Variants in RPS15 observed in about 807,000 individuals in gnomAD.
RPS15 encodes the protein small ribosomal subunit protein uS19.
A neutral mutation model predicts 14.9 loss-of-function variants in RPS15; 5 were observed. That is an observed-to-expected ratio of 0.34 (90% CI 0.18 to 0.70). The LOEUF is 0.70. Ranked by LOEUF, RPS15 falls within the 30% of genes least tolerant of loss-of-function variation. The pLI, the probability that RPS15 is intolerant of heterozygous loss-of-function variation, is 0.65. For missense variants in RPS15, 102 were observed against 204.2 expected (o/e 0.50, Z 3.05); for synonymous variants, 103 against 85.0 (o/e 1.21, Z -1.16).
chr19:1,439,761 G>A, intron 2 of RPS15: 1 of 611,194 alleles, frequency 1.6e-6, no homozygotes, highest in Non-Finnish European at 2.9e-6. Flanking sequence ...GTCTGAGGCT[G>A]TGGTCTCCGG....
At chr19:1,439,670 C>T in intron 2 of RPS15, 1 of 566,354 alleles carries the variant, frequency 1.8e-6, no homozygotes, top group Non-Finnish European at 3.1e-6. Context: ...GCTGGGATCA[C>T]AGGCGGGAGC....
chr19:1,439,666 A>C (rs1034399258), intron 2 of RPS15: 4 of 561,900 alleles, frequency 7.1e-6, no homozygotes, highest in African/African-American at 5.6e-5. Flanking sequence ...AAGTGCTGGG[A>C]TCACAGGCGG....
chr19:1,438,398 A>G lies in RPS15; in HGVS notation c.-28A>G, dbSNP rs1223990836. On this transcript the variant is annotated 5_prime_UTR_variant, in exon 1 of 4. Transcript: ENST00000592588. The surrounding 1 kb of genome is among the most constrained non-coding windows in gnomAD (Gnocchi z 4.8). ...GCGATAACTGCGCAGGCGCGGACCA[A>G]AGCGATCTCTTCTGAGGATCCGGCA... 1.2e-6 allele frequency: 2 copies of G among 1,613,204 alleles called. No individual in the cohort carries two copies. Among genetic ancestry groups the G allele is most frequent in the African/African-American group, 2.7e-5 (2 of 74,936 alleles).
At position 1,440,010 on chromosome 19, in the gene RPS15, C is replaced by G. The variant is rs2083640428; in HGVS notation, c.90-9C>G. ...CCGCTCACAAAACTGCCTGGTGCATCCTCCCCAGCGAGCAGCTGATGCAGC... is the reference window on the plus strand; with the variant it reads ...CCGCTCACAAAACTGCCTGGTGCATGCTCCCCAGCGAGCAGCTGATGCAGC... On this transcript the variant is annotated splice_polypyrimidine_tract_variant and intron_variant, in intron 2 of 3. Transcript: ENST00000592588. 6.5e-7 allele frequency: 1 copy of G among 1,545,422 alleles called. No homozygotes were observed. Among genetic ancestry groups the G allele is most frequent in the African/African-American group, 1.4e-5 (1 of 73,084 alleles).
intron 2 of RPS15, chr19:1,439,140 C>T (rs1219325004): frequency 5.9e-6 from 3 of 507,348 alleles, no homozygotes; most frequent in East Asian, 3.5e-5. Context: ...TAGCCCCTGT[C>T]TGTAGCCCAC....
chr19:1,439,739 C>T (rs777781630), intron 2 of RPS15: 68 of 607,264 alleles, frequency 1.1e-4, no homozygotes, highest in Non-Finnish European at 1.3e-4. Flanking sequence ...GAGCTGTACG[C>T]TGCAGCACCT....
At position 1,440,261 on chromosome 19, in the gene RPS15, C is replaced by T. The variant is rs750337911; in HGVS notation, c.324+8C>T. 23 of 1,611,756 alleles carry T rather than the reference C, an allele frequency of 1.4e-5. No homozygotes were observed. Among genetic ancestry groups the T allele is most frequent in the Non-Finnish European group, 1.9e-5 (22 of 1,178,952 alleles). On this transcript the variant is annotated splice_region_variant and intron_variant, in intron 3 of 3. Transcript: ENST00000592588. Reference sequence around the variant, plus strand: ...AACCAGGTGGAGATCAAGGTGTGTGCGGCCGTCCCTGCCGGCTGGGGTGGG... The same window carrying T: ...AACCAGGTGGAGATCAAGGTGTGTGTGGCCGTCCCTGCCGGCTGGGGTGGG...
rs762558851 is a variant in RPS15 at position 1,438,797 on chromosome 19, G to A, written c.4-10G>A. ...GGGATCCCGCTGACGCCCGATCCGC[G>A]CCCGCACAGGCAGAAGTAGAGCAGA... On this transcript the variant is annotated splice_polypyrimidine_tract_variant and intron_variant, in intron 1 of 3. Coordinates refer to ENST00000592588, the MANE Select transcript of RPS15 (RefSeq NM_001018.5). This position sits in a 1 kb window ranked among gnomAD's most constrained non-coding sequence, Gnocchi z 4.8. The A allele has an allele frequency of 1.9e-6, 3 of 1,585,988 alleles. No individual in the cohort carries two copies. Among genetic ancestry groups the A allele is most frequent in the Non-Finnish European group, 2.6e-6 (3 of 1,166,846 alleles).
chr19:1,439,036 T>C (rs927125399), intron 2 of RPS15, 144 bp downstream of exon 2: 41 of 670,686 alleles, frequency 6.1e-5, no homozygotes, highest in Middle Eastern at 8.4e-4. Flanking sequence ...GAGTGTGGTC[T>C]TGCGCCCAGA....
At position 1,438,558 on chromosome 19, in the gene RPS15, T is replaced by G. The variant is rs1369322226; in HGVS notation, c.3+130T>G. 6.3e-7 allele frequency: 1 copy of G among 1,574,880 alleles called. No individual in the cohort carries two copies. On this transcript the variant is annotated intron_variant, in intron 1 of 3. Coordinates refer to ENST00000592588, the MANE Select transcript of RPS15 (RefSeq NM_001018.5). This position sits in a 1 kb window ranked among gnomAD's most constrained non-coding sequence, Gnocchi z 4.8. ...GCTCCCGACCCTGCAGGCGGCTGGA[T>G]GTTGGGGCGAGGGGCGGACTTGGTG...
chr19:1,438,500 G>A lies in RPS15; in HGVS notation c.3+72G>A, dbSNP rs557086156. ...ATCCAACCTCTGACCGTCTCGCGGG[G>A]GCCGCAGTTCGTCCCCGCGGCTACG... On this transcript the variant is annotated intron_variant, in intron 1 of 3. Transcript: ENST00000592588. This position sits in a 1 kb window ranked among gnomAD's most constrained non-coding sequence, Gnocchi z 4.8. 4.5e-5 allele frequency: 73 copies of A among 1,611,428 alleles called. No individual in the cohort carries two copies. In the African/African-American group the frequency reaches 7.7e-4, roughly 17 times the overall value.
At chr19:1,439,714 A>G in intron 2 of RPS15, 1 of 586,026 alleles carries the variant, frequency 1.7e-6, no homozygotes. Context: ...CTGCGTTTTT[A>G]GAGGCCTTTG....
At chr19:1,439,570 T>G in intron 2 of RPS15, 30 of 316,508 alleles carry the variant, frequency 9.5e-5, no homozygotes, top group Non-Finnish European at 9.5e-5. Flanking sequence ...TGATTTTTGA[T>G]TATTTGTGGA....
chr19:1,439,633 G>T, intron 2 of RPS15: 1 of 512,352 alleles, frequency 2.0e-6, no homozygotes, highest in Non-Finnish European at 3.5e-6. Flanking sequence ...GGGCTCAAGC[G>T]ACCCTCCCGC....
At chr19:1,439,899 G>T in intron 2 of RPS15, 120 bp from the exon 3 acceptor site, 1 of 830,856 alleles carries the variant, frequency 1.2e-6, no homozygotes, top group Non-Finnish European at 2.0e-6. Flanking sequence ...AATGGACAGT[G>T]ACAGGTCCAC....
rs1600266669 is a variant in RPS15, at chr19:1,438,998, G to A, written c.89+106G>A. The stretch of plus-strand genomic sequence containing the variant: ...CCAAGCGCCTCTGCGGCGGTGGGCG[G>A]GCACGGTCTCCGCGCGGGTTTGGAA... On this transcript the variant is annotated intron_variant, in intron 2 of 3. Transcript: ENST00000592588. This position sits in a 1 kb window ranked among gnomAD's most constrained non-coding sequence, Gnocchi z 4.8. The A allele has an allele frequency of 1.2e-6, 1 of 864,624 alleles. No homozygotes were observed. The highest frequency in any genetic ancestry group is 2.8e-5 in the East Asian group (1 of 35,530). The allele number at this position is 864,624 out of a possible 1,614,324, so 53.6% of individuals were successfully genotyped here.
intron 2 of RPS15, chr19:1,439,783 T>G (rs111591223): frequency 6.2e-5 from 38 of 616,634 alleles, no homozygotes; most frequent in African/African-American, 6.0e-4. Flanking sequence ...CCGCTTGTTC[T>G]CTCTGAATCT....
In RPS15 at chr19:1,438,979, G is replaced by A; in HGVS notation, c.89+87G>A. The A allele has an allele frequency of 9.4e-7, 1 of 1,064,258 alleles. No individual in the cohort carries two copies. Among genetic ancestry groups the A allele is most frequent in the South Asian group, 1.5e-5 (1 of 65,220 alleles). 65.9% of individuals were successfully genotyped at this position (1,064,258 alleles called of 1,614,324 possible). A position where few individuals can be genotyped will look rare whatever the true frequency, so the allele number is the denominator to read the frequency against. On this transcript the variant is annotated intron_variant, in intron 2 of 3. Transcript: ENST00000592588. The surrounding 1 kb of genome is among the most constrained non-coding windows in gnomAD (Gnocchi z 4.8). ...AGGGCGGCGGGGCGGGGGTCCAAGC[G>A]CCTCTGCGGCGGTGGGCGGGCACGG...
rs2083642491 is a variant in RPS15 at position 1,440,157 on chromosome 19, G to GA, written c.230dup (p.Thr78AspfsTer?). ...CGCCCATGGAGAAGCCGGAAGTGGTGAAGACGCACCTGCGGGACATGATCA... is the reference window on the plus strand; with the variant it reads ...CGCCCATGGAGAAGCCGGAAGTGGTGAAAGACGCACCTGCGGGACATGATCA... On this transcript the variant is annotated frameshift_variant, in exon 3 of 4. Transcript: ENST00000592588. LOFTEE classifies it high-confidence loss of function. The GA allele has an allele frequency of 6.2e-7, 1 of 1,612,148 alleles. No homozygotes were observed. Among genetic ancestry groups the GA allele is most frequent in the Non-Finnish European group, 8.5e-7 (1 of 1,179,406 alleles).
Sources: allele counts gnomAD v4.1 joint callset, GRCh38; gene constraint gnomAD v4.1.1; non-coding constraint Gnocchi (gnomAD v3.1); transcripts MANE v1.5; gene names NCBI Gene and HGNC (gene_info 2026-07-23, HGNC 2026-07-21).